Variants in RORA observed in about 807,000 individuals in gnomAD.
The protein encoded by RORA is nuclear receptor ROR-alpha.
In RORA, 7 loss-of-function variants were observed where a neutral mutation model predicts 69.5. The ratio of observed to expected loss-of-function variants is 0.10; its 90% CI spans 0.06 to 0.19. The LOEUF is 0.19. Among genes scored for constraint, RORA ranks in the 10% least tolerant of loss-of-function variants. The pLI is 1.00. For missense variants in RORA, 457 were observed against 663.0 expected (o/e 0.69, Z 3.41); for synonymous variants, 261 against 240.8 (o/e 1.08, Z -0.78).
intron 1 of RORA, among the ~76,000 whole-genome samples, chr15:60,897,919 G>A (rs1341778057): frequency 6.6e-6 from 1 of 152,172 alleles, no homozygotes; most frequent in Admixed American, 6.5e-5. Context: ...TAAAGATAGA[G>A]CCCATATTGG....
At chr15:61,142,904 C>G (rs2079313679) in intron 1 of RORA, among the ~76,000 whole-genome samples, 1 of 152,002 alleles carries the variant, frequency 6.6e-6, no homozygotes, top group African/African-American at 2.4e-5. Flanking sequence ...AGCTCAAAAG[C>G]CTAAATCATA....
intron 2 of RORA, among the ~76,000 whole-genome samples, chr15:60,610,526 C>A (rs976555407): frequency 6.6e-6 from 1 of 151,836 alleles, no homozygotes; most frequent in South Asian, 2.1e-4. Flanking sequence ...AAGAAAATCA[C>A]GGTAAGGAGG....
chr15:60,845,702 A>G (rs1012729961), intron 1 of RORA, among the ~76,000 whole-genome samples: 1 of 152,210 alleles, frequency 6.6e-6, no homozygotes, highest in African/African-American at 2.4e-5. Flanking sequence ...GTTAATTCGC[A>G]TTAAAGTACT....
intron 1 of RORA, among the ~76,000 whole-genome samples, chr15:61,221,629 C>T (rs780043668): frequency 6.6e-6 from 1 of 152,190 alleles, no homozygotes; most frequent in African/African-American, 2.4e-5. Flanking sequence ...CTTTCACACA[C>T]GCCTACCACT....
At chr15:60,801,177 C>T (rs2072575719) in intron 1 of RORA, among the ~76,000 whole-genome samples, 1 of 152,176 alleles carries the variant, frequency 6.6e-6, no homozygotes, top group South Asian at 2.1e-4. Flanking sequence ...ATCACCTCAC[C>T]ACTAGGTAAA....
Position 60,856,229 on chromosome 15 carries a change from G to A in RORA, c.167-177543C>T, listed in dbSNP as rs900551777. On this transcript the variant is annotated intron_variant, in intron 1 of 10. Transcript: ENST00000335670. ...GAGCTCAGGTAAAACTATCTTCTTG[G>A]CATATTTGAGGCCACTATTAAGTGG... Among the ~76,000 whole-genome samples, 39 of 152,314 alleles carry A rather than the reference G, an allele frequency of 2.6e-4. 1 individual carries two copies. Among genetic ancestry groups the A allele is most frequent in the Admixed American group, 2.0e-3 (30 of 15,308 alleles).
intron 1 of RORA, among the ~76,000 whole-genome samples, chr15:60,777,193 C>A (rs1567186925): frequency 6.6e-6 from 1 of 152,198 alleles, no homozygotes; most frequent in Non-Finnish European, 1.5e-5. Flanking sequence ...AATGTTCACA[C>A]TTTAGTCTTC....
intron 2 of RORA, among the ~76,000 whole-genome samples, chr15:60,669,793 A>C (rs939006020): frequency 1.3e-5 from 2 of 152,226 alleles, no homozygotes; most frequent in Admixed American, 6.5e-5. Flanking sequence ...TTTGCCATTG[A>C]AATGGCAAAA....
In RORA at chr15:60,583,284, G is replaced by C. The variant is rs546516977; in HGVS notation, c.197-51433C>G. 4.5e-4 allele frequency among the ~76,000 whole-genome samples: 68 copies of C among 152,346 alleles called. 1 individual carries two copies. The South Asian group carries it at 0.014, about 31-fold the overall frequency. ...CCTGGACACTGGCAGATACACACCA[G>C]ATGCTCAGTGCCTGAGAAAGGCCAT... On this transcript the variant is annotated intron_variant, in intron 2 of 10. Coordinates refer to ENST00000335670, the MANE Select transcript of RORA (RefSeq NM_134261.3).
chr15:61,133,755 T>C (rs1214096659), intron 1 of RORA, among the ~76,000 whole-genome samples: 1 of 152,228 alleles, frequency 6.6e-6, no homozygotes, highest in Admixed American at 6.5e-5. Context: ...TGTGGCATTA[T>C]ACTTAAGGTT....
chr15:60,811,483 A>G (rs929461489), intron 1 of RORA, among the ~76,000 whole-genome samples: 9 of 152,052 alleles, frequency 5.9e-5, no homozygotes, highest in Admixed American at 5.9e-4. Context: ...CTTGAAAAAG[A>G]CTCTTTACAA....
intron 1 of RORA, among the ~76,000 whole-genome samples, chr15:60,717,127 T>C (rs1361489164): frequency 6.6e-6 from 1 of 152,116 alleles, no homozygotes; most frequent in Non-Finnish European, 1.5e-5. Context: ...TATCTCCAGG[T>C]AAACAGTGTT....
At chr15:60,515,993 A>ATATT (rs1567051201) in intron 3 of RORA, among the ~76,000 whole-genome samples, 376 of 6,126 alleles carry the variant, frequency 0.061, 27 homozygotes, top group Non-Finnish European at 0.08. Context: ...ATATATATTT[A>ATATT]TATATATTTA....
chr15:61,180,823 G>A (rs2079677720), intron 1 of RORA, among the ~76,000 whole-genome samples: 2 of 152,202 alleles, frequency 1.3e-5, no homozygotes, highest in South Asian at 4.1e-4. Flanking sequence ...GAAAGGCCAG[G>A]CGTGGTGGCT....
chr15:60,501,878 A>G (rs557463547), intron 8 of RORA, among the ~76,000 whole-genome samples: 3 of 152,388 alleles, frequency 2.0e-5, no homozygotes, highest in South Asian at 4.1e-4. Flanking sequence ...TTCATTATAT[A>G]TATCATCTGT....
intron 1 of RORA, among the ~76,000 whole-genome samples, chr15:61,207,100 G>A (rs1417880712): frequency 6.6e-6 from 1 of 151,302 alleles, no homozygotes; most frequent in Admixed American, 6.6e-5. Context: ...ATATATGTAT[G>A]CATATAGACA....
chr15:61,030,744 C>G (rs892659325), intron 1 of RORA, among the ~76,000 whole-genome samples: 5 of 152,100 alleles, frequency 3.3e-5, no homozygotes, highest in African/African-American at 1.2e-4. Flanking sequence ...GCATCTAAAA[C>G]AGATTTTTAA....
At position 60,511,654 on chromosome 15, in the gene RORA, A is replaced by G; in HGVS notation, c.425-33T>C. ...AAAAAAGCCAAACCATACTACATAC[A>G]ATGCGCTTTTCTTCAATATTCTCTC... On this transcript the variant is annotated intron_variant, in intron 4 of 10. Transcript: ENST00000335670. This position sits in a 1 kb window ranked among gnomAD's most constrained non-coding sequence, Gnocchi z 6.4. The G allele has an allele frequency of 1.3e-6, 2 of 1,553,200 alleles. No individual in the cohort carries two copies. The highest frequency in any genetic ancestry group is 1.2e-5 in the South Asian group (1 of 80,982).
intron 1 of RORA, among the ~76,000 whole-genome samples, chr15:60,723,383 C>G (rs1018709446): frequency 1.3e-5 from 2 of 150,622 alleles, no homozygotes; most frequent in African/African-American, 4.9e-5. Context: ...CCATTCCCCC[C>G]CCCACTCACA....
Sources: allele counts gnomAD v4.1 joint callset (sites outside exome capture counted in the v4.1 genomes callset), GRCh38; gene constraint gnomAD v4.1.1; non-coding constraint Gnocchi (gnomAD v3.1); transcripts MANE v1.5; gene names NCBI Gene and HGNC (gene_info 2026-07-23, HGNC 2026-07-21).